WWOX: variants seen among roughly 807,000 people sequenced by gnomAD.
WWOX encodes WW domain containing oxidoreductase.
WWOX carries 69 observed loss-of-function variants against 46.2 expected under a neutral mutation model. That is an observed-to-expected ratio of 1.49 (90% confidence interval 1.23 to 1.82). The LOEUF (loss-of-function observed/expected upper bound fraction) is 1.82. Ranked by LOEUF, WWOX falls within the 40% of genes most tolerant of loss-of-function variation. WWOX has a pLI of 0.00. For missense variants in WWOX, 919 were observed against 542.6 expected (o/e 1.69, Z -6.89); for synonymous variants, 359 against 202.6 (o/e 1.77, Z -6.56).
chr16:78,537,568 C>T (rs932673370), intron 8 of WWOX, among the ~76,000 whole-genome samples: 5 of 152,068 alleles, frequency 3.3e-5, no homozygotes, highest in African/African-American at 1.2e-4. Flanking sequence ...CATACTAAAC[C>T]ATATTGTTTG....
chr16:78,423,472 T>C (rs920492100), intron 6 of WWOX, among the ~76,000 whole-genome samples: 2 of 152,190 alleles, frequency 1.3e-5, no homozygotes, highest in Admixed American at 1.3e-4. Context: ...TTTTGTTGTA[T>C]AGTTCTTATT....
intron 8 of WWOX, among the ~76,000 whole-genome samples, chr16:78,555,912 G>A (rs2044283258): frequency 6.6e-6 from 1 of 152,104 alleles, no homozygotes; most frequent in Non-Finnish European, 1.5e-5. Flanking sequence ...AGTGTCTACT[G>A]CAGGGTATTT....
Position 78,884,288 on chromosome 16 carries a change from A to AAC in WWOX, c.1057-327319_1057-327318insCA, listed in dbSNP as rs1555558582. On this transcript the variant is annotated intron_variant, in intron 8 of 8. Coordinates refer to ENST00000566780, the MANE Select transcript of WWOX (RefSeq NM_016373.4). ...ACCCTGTCTCCAAAAAAAAAAAAAA[A>AAC]AAAAACAAAAGACCATTTTTAAGAC... Among the ~76,000 whole-genome samples, 4 of 150,182 alleles carry AAC rather than the reference A, an allele frequency of 2.7e-5. No homozygotes were observed. The East Asian group carries it at 7.8e-4, about 29-fold the overall frequency.
chr16:78,443,873 C>G (rs996339394), intron 8 of WWOX, among the ~76,000 whole-genome samples: 8 of 152,044 alleles, frequency 5.3e-5, no homozygotes, highest in Non-Finnish European at 1.0e-4. Flanking sequence ...ATACTTATTT[C>G]CAGTGATTTT....
At chr16:78,666,325 AT>A (rs1425285186) in intron 8 of WWOX, among the ~76,000 whole-genome samples, 2 of 152,134 alleles carry the variant, frequency 1.3e-5, no homozygotes, top group East Asian at 3.9e-4. Flanking sequence ...AGACACTGAG[AT>A]TTGGGGGTTA....
chr16:79,098,381 C>G (rs2049119490), intron 8 of WWOX, among the ~76,000 whole-genome samples: 1 of 152,186 alleles, frequency 6.6e-6, no homozygotes. Flanking sequence ...GAGTGCATTT[C>G]TGCTTCTTAA....
chr16:79,069,668 T>A (rs957764578), intron 8 of WWOX, among the ~76,000 whole-genome samples: 2 of 151,960 alleles, frequency 1.3e-5, no homozygotes, highest in Non-Finnish European at 2.9e-5. Context: ...AGAAAACATC[T>A]AAATGTCAGT....
intron 8 of WWOX, among the ~76,000 whole-genome samples, chr16:78,809,321 A>G (rs1160792542): frequency 6.6e-6 from 1 of 151,254 alleles, no homozygotes; most frequent in Non-Finnish European, 1.5e-5. Flanking sequence ...TGAAAAAAAA[A>G]AAAAAAAAGA....
At chr16:78,105,458 CAA>C (rs61383923) in intron 1 of WWOX, among the ~76,000 whole-genome samples, 24 of 126,630 alleles carry the variant, frequency 1.9e-4, no homozygotes, top group Admixed American at 3.3e-4. Context: ...GACTCTGTCT[CAA>C]AAAAAAAAAA....
intron 8 of WWOX, among the ~76,000 whole-genome samples, chr16:79,174,133 G>C (rs1043437085): frequency 6.6e-5 from 10 of 152,188 alleles, no homozygotes; most frequent in Admixed American, 2.0e-4. Flanking sequence ...GAAAGGTCCT[G>C]AGAGGCAGGT....
chr16:79,018,978 C>T (rs772119532), intron 8 of WWOX, among the ~76,000 whole-genome samples: 1 of 151,342 alleles, frequency 6.6e-6, no homozygotes, highest in Admixed American at 6.6e-5. Context: ...TGGCAAAACC[C>T]CATCTCTACA....
intron 8 of WWOX, among the ~76,000 whole-genome samples, chr16:79,011,912 C>T (rs934481113): frequency 2.6e-5 from 4 of 152,218 alleles, no homozygotes; most frequent in Non-Finnish European, 5.9e-5. Flanking sequence ...CCTCAGCCTC[C>T]TGAGTCACTG....
intron 8 of WWOX, chr16:79,110,747 A>T (rs1466826067): frequency 6.6e-6 from 1 of 152,164 alleles, no homozygotes; most frequent in African/African-American, 2.4e-5. Context: ...TTGCTTCGGG[A>T]TGGAGGCTGG....
chr16:78,509,699 C>T (rs6564564), intron 8 of WWOX, among the ~76,000 whole-genome samples: 22,027 of 152,148 alleles, frequency 0.14, 1,710 homozygotes, highest in Non-Finnish European at 0.17. Flanking sequence ...CAAGCCTTCA[C>T]TGTTTTGTTT....
intron 7 of WWOX, among the ~76,000 whole-genome samples, chr16:78,426,341 T>C (rs571040062): frequency 2.6e-5 from 4 of 152,166 alleles, no homozygotes; most frequent in Non-Finnish European, 4.4e-5. Context: ...CCACGGGATA[T>C]GTTTAAATGA....
At chr16:78,137,703 T>A (rs901363222) in intron 4 of WWOX, among the ~76,000 whole-genome samples, 1 of 152,154 alleles carries the variant, frequency 6.6e-6, no homozygotes, top group Non-Finnish European at 1.5e-5. Context: ...ATTCTAAAGT[T>A]GTTGTGGTCT....
At chr16:79,130,138 T>A (rs2049846170) in intron 8 of WWOX, among the ~76,000 whole-genome samples, 1 of 152,202 alleles carries the variant, frequency 6.6e-6, no homozygotes. Flanking sequence ...AAAGGGAATT[T>A]GCCCAAGCTC....
chr16:78,923,149 T>C (rs2045418414), intron 8 of WWOX, among the ~76,000 whole-genome samples: 1 of 151,968 alleles, frequency 6.6e-6, no homozygotes, highest in South Asian at 2.1e-4. Flanking sequence ...GCCAGGCTAA[T>C]TTTGTATTTT....
chr16:79,069,032 G>A (rs1231749692), intron 8 of WWOX, among the ~76,000 whole-genome samples: 4 of 151,960 alleles, frequency 2.6e-5, no homozygotes, highest in Admixed American at 6.6e-5. Flanking sequence ...CTAAGTTTCC[G>A]ACTTGACTTG....
Sources: gnomAD v4.1 joint callset for allele counts (sites outside exome capture counted in the v4.1 genomes callset) on GRCh38, gnomAD v4.1.1 for gene constraint, MANE v1.5 for transcripts, NCBI Gene and HGNC (gene_info 2026-07-23, HGNC 2026-07-21) for gene names.